KLHL29: variants seen among roughly 807,000 people sequenced by gnomAD.
KLHL29 encodes kelch like family member 29, also known as kelch-like protein 29.
In KLHL29, 21 loss-of-function variants were observed where a neutral mutation model predicts 80.4. The observed-to-expected ratio is 0.26, with a 90% confidence interval of 0.19 to 0.38. The LOEUF (loss-of-function observed/expected upper bound fraction) is 0.38, where lower values mean the gene tolerates loss of function less well. KLHL29 is among the 10% of genes least tolerant of loss of function. The pLI, the probability that KLHL29 is intolerant of heterozygous loss-of-function variation, is 1.00. For synonymous variants in KLHL29, 511 were observed against 526.8 expected (o/e 0.97, Z 0.41); for missense variants, 867 against 1,223.9 (o/e 0.71, Z 4.35).
chr2:23,508,652 G>A (rs1192494309), intron 2 of KLHL29, among the ~76,000 whole-genome samples: 1 of 152,198 alleles, frequency 6.6e-6, no homozygotes, highest in Non-Finnish European at 1.5e-5. Context: ...CTCAGCCGCG[G>A]GATCCCCGCA....
intron 1 of KLHL29, among the ~76,000 whole-genome samples, chr2:23,386,236 C>T (rs1162830675): frequency 6.6e-6 from 1 of 152,128 alleles, no homozygotes; most frequent in African/African-American, 2.4e-5. Context: ...CGGCCGCGCG[C>T]ACTGTCCTTT....
In KLHL29 at chr2:23,562,753, C is replaced by G. The variant is rs1021677160; in HGVS notation, c.285+272C>G. Among the ~76,000 whole-genome samples, 2 of 152,160 alleles carry G rather than the reference C, an allele frequency of 1.3e-5. No homozygotes were observed. Among genetic ancestry groups the G allele is most frequent in the African/African-American group, 4.8e-5 (2 of 41,432 alleles). ...TGTCCTATGCCATGTTGATTAGATG[C>G]TATTAATGAGTGAAGTAACAGTGGA... On this transcript the variant is annotated intron_variant, in intron 3 of 13. Transcript: ENST00000486442. The surrounding 1 kb of genome is among the most constrained non-coding windows in gnomAD (Gnocchi z 4.5).
At chr2:23,633,541 C>G (rs1239371144) in intron 3 of KLHL29, among the ~76,000 whole-genome samples, 1 of 151,518 alleles carries the variant, frequency 6.6e-6, no homozygotes, top group African/African-American at 2.4e-5. Flanking sequence ...ATAATATCTC[C>G]CAAATTTGTG....
chr2:23,601,279 G>A (rs548233438), intron 3 of KLHL29, among the ~76,000 whole-genome samples: 3 of 152,298 alleles, frequency 2.0e-5, no homozygotes, highest in South Asian at 4.2e-4. Context: ...TTGCTCAGCC[G>A]AGAAAATTCA....
In KLHL29 at chr2:23,647,593, G is replaced by GA. The variant is rs1259603768; in HGVS notation, c.940+4743_940+4744insA. Among the ~76,000 whole-genome samples the GA allele has an allele frequency of 1.3e-5, 2 of 152,106 alleles. No individual in the cohort carries two copies. The highest frequency in any genetic ancestry group is 2.9e-5 in the Non-Finnish European group (2 of 68,018). On this transcript the variant is annotated intron_variant, in intron 5 of 13. Coordinates refer to ENST00000486442, the MANE Select transcript of KLHL29 (RefSeq NM_052920.2). This position sits in a 1 kb window ranked among gnomAD's most constrained non-coding sequence, Gnocchi z 4.9. ...CACCGTCACCTCTGGCCTGCACACT[G>GA]GCCTCCCAGCCCACAGTGCATTCCT...
intron 1 of KLHL29, among the ~76,000 whole-genome samples, chr2:23,428,440 A>C (rs1422621287): frequency 6.6e-6 from 1 of 152,032 alleles, no homozygotes; most frequent in Non-Finnish European, 1.5e-5. Context: ...TCACTTTACT[A>C]TGCTTTGTCT....
In KLHL29 at chr2:23,453,008, C is replaced by T. The variant is rs189994351; in HGVS notation, c.-153-22552C>T. Among the ~76,000 whole-genome samples the T allele has an allele frequency of 3.0e-3, 458 of 151,668 alleles. 3 individuals carry two copies. The highest frequency in any genetic ancestry group is 9.0e-3 in the Admixed American group (137 of 15,230). On this transcript the variant is annotated intron_variant, in intron 1 of 13. Coordinates refer to ENST00000486442, the MANE Select transcript of KLHL29 (RefSeq NM_052920.2). ...GTGGTTTCTTTGTGTGTTTTTATGT[C>T]TTTTCCATGTCTGGGTCTGGGTTTG...
Position 23,457,534 on chromosome 2 carries a change from G to A in KLHL29, c.-153-18026G>A, listed in dbSNP as rs984088305. Among the ~76,000 whole-genome samples, 4 of 152,156 alleles carry A rather than the reference G, an allele frequency of 2.6e-5. No individual in the cohort carries two copies. The highest frequency in any genetic ancestry group is 6.5e-5 in the Admixed American group (1 of 15,286). On this transcript the variant is annotated intron_variant, in intron 1 of 13. Coordinates refer to ENST00000486442, the MANE Select transcript of KLHL29 (RefSeq NM_052920.2). The surrounding 1 kb of genome is among the most constrained non-coding windows in gnomAD (Gnocchi z 4.3). ...CTCAACCCGTCACCTTGTGTTCCCC[G>A]AGGTGGGGGTGCCTCTGGAATTCCC... is the stretch of plus-strand genomic sequence containing the variant.
chr2:23,524,105 C>T (rs139466168), intron 2 of KLHL29: 6,898 of 465,102 alleles, frequency 0.015, 70 homozygotes, highest in Middle Eastern at 0.022. Flanking sequence ...ACCTCAGTGT[C>T]GTAGGTAGCG....
At chr2:23,661,428 G>A (rs1005967837) in intron 5 of KLHL29, among the ~76,000 whole-genome samples, 1 of 151,754 alleles carries the variant, frequency 6.6e-6, no homozygotes, top group African/African-American at 2.4e-5. Flanking sequence ...GGCGCCAGCT[G>A]TATCCCCACC....
intron 1 of KLHL29, among the ~76,000 whole-genome samples, chr2:23,431,270 T>C (rs192269266): frequency 6.6e-6 from 1 of 152,340 alleles, no homozygotes; most frequent in East Asian, 1.9e-4. Context: ...TTTATCTAAA[T>C]GTGTGACCCT....
chr2:23,619,569 G>A (rs1237445761), intron 3 of KLHL29, among the ~76,000 whole-genome samples: 1 of 152,190 alleles, frequency 6.6e-6, no homozygotes, highest in African/African-American at 2.4e-5. Flanking sequence ...AGCAGAGACT[G>A]CAGCCTAAAA....
Position 23,464,982 on chromosome 2 carries a change from A to G in KLHL29, c.-153-10578A>G, listed in dbSNP as rs147066748. Among the ~76,000 whole-genome samples the G allele has an allele frequency of 2.0e-3, 306 of 152,366 alleles. 2 individuals are homozygous for G. The highest frequency in any genetic ancestry group is 5.8e-3 in the Admixed American group (89 of 15,308). Reference sequence around the variant, plus strand: ...GTATAATTTTAATAGATTCGTCAACAGCAGCCCTTCCTCATCTAAACAGGC... The same window carrying G: ...GTATAATTTTAATAGATTCGTCAACGGCAGCCCTTCCTCATCTAAACAGGC... On this transcript the variant is annotated intron_variant, in intron 1 of 13. Coordinates refer to ENST00000486442, the MANE Select transcript of KLHL29 (RefSeq NM_052920.2).
At chr2:23,674,538 A>T (rs1670870675) in intron 5 of KLHL29, among the ~76,000 whole-genome samples, 1 of 152,138 alleles carries the variant, frequency 6.6e-6, no homozygotes, top group Non-Finnish European at 1.5e-5. Flanking sequence ...TGGCTTCTTC[A>T]ATCCCTCCAG....
chr2:23,388,534 A>C (rs1163702743), intron 1 of KLHL29, among the ~76,000 whole-genome samples: 1 of 152,172 alleles, frequency 6.6e-6, no homozygotes, highest in Non-Finnish European at 1.5e-5. Flanking sequence ...TAGTCTATTC[A>C]AATCTTGCCT....
At chr2:23,511,712 C>T (rs771646778) in intron 2 of KLHL29, among the ~76,000 whole-genome samples, 4 of 152,154 alleles carry the variant, frequency 2.6e-5, no homozygotes, top group Non-Finnish European at 5.9e-5. Context: ...GATGTGATAT[C>T]GGTGCCTGAC....
chr2:23,407,677 C>T (rs764186107), intron 1 of KLHL29, among the ~76,000 whole-genome samples: 46 of 152,078 alleles, frequency 3.0e-4, no homozygotes, highest in Non-Finnish European at 5.6e-4. Context: ...AAGCCCTTCC[C>T]CATCCTGGCT....
intron 3 of KLHL29, among the ~76,000 whole-genome samples, chr2:23,609,021 C>G (rs1668794685): frequency 6.6e-6 from 1 of 152,208 alleles, no homozygotes; most frequent in African/African-American, 2.4e-5. Flanking sequence ...CGAGAAGATT[C>G]TCCACTGAGA....
At chr2:23,622,881 G>A (rs891078903) in intron 3 of KLHL29, among the ~76,000 whole-genome samples, 4 of 152,236 alleles carry the variant, frequency 2.6e-5, no homozygotes, top group Admixed American at 6.5e-5. Flanking sequence ...GGTGAGAAAA[G>A]GAGGGCATGG....
Sources: allele counts gnomAD v4.1 joint callset (sites outside exome capture counted in the v4.1 genomes callset), GRCh38; gene constraint gnomAD v4.1.1; non-coding constraint Gnocchi (gnomAD v3.1); transcripts MANE v1.5; gene names NCBI Gene and HGNC (gene_info 2026-07-23, HGNC 2026-07-21).